The following MALRD1 variants were observed in gnomAD, a reference collection of about 807,000 sequenced individuals.
The protein encoded by MALRD1 is MAM and LDL receptor class A domain containing 1.
MALRD1 carries 247 observed loss-of-function variants against 242.1 expected under a neutral mutation model. The observed-to-expected ratio is 1.02, with a 90% CI of 0.92 to 1.13. The LOEUF (loss-of-function observed/expected upper bound fraction) is 1.13. Among genes scored for constraint, MALRD1 ranks in the 50% most tolerant of loss-of-function variants. MALRD1 has a pLI of 0.00. For synonymous variants in MALRD1, 995 were observed against 866.6 expected (o/e 1.15, Z -2.60); for missense variants, 2,989 against 2,533.1 (o/e 1.18, Z -3.86).
chr10:19,369,931 C>T (rs1426392189), intron 26 of MALRD1, among the ~76,000 whole-genome samples: 1 of 151,954 alleles, frequency 6.6e-6, no homozygotes, highest in Non-Finnish European at 1.5e-5. Context: ...AATTTATTAA[C>T]CTTTTTCTAT....
chr10:19,615,502 G>A (rs553815604), intron 35 of MALRD1, among the ~76,000 whole-genome samples: 63 of 55,142 alleles, frequency 1.1e-3, no homozygotes, highest in African/African-American at 6.4e-3. Flanking sequence ...GAATGACAGA[G>A]CAAGACCCTG....
chr10:19,418,135 C>T (rs1409114095), intron 28 of MALRD1, among the ~76,000 whole-genome samples: 1 of 151,854 alleles, frequency 6.6e-6, no homozygotes, highest in African/African-American at 2.4e-5. Context: ...GAATGTAGAT[C>T]AATTGACCTG....
At chr10:19,329,595 A>G (rs1397386810) in intron 23 of MALRD1, among the ~76,000 whole-genome samples, 1 of 152,182 alleles carries the variant, frequency 6.6e-6, no homozygotes, top group Non-Finnish European at 1.5e-5. Flanking sequence ...AAATTAGAAT[A>G]CAGAAATACC....
chr10:19,619,042 C>G (rs531167501), intron 36 of MALRD1, among the ~76,000 whole-genome samples: 38 of 151,976 alleles, frequency 2.5e-4, no homozygotes, highest in African/African-American at 8.7e-4. Context: ...TTAGATTTAA[C>G]CACTGACACG....
intron 31 of MALRD1, among the ~76,000 whole-genome samples, chr10:19,530,404 T>TATA (rs1564417318): frequency 3.1e-4 from 6 of 19,280 alleles, no homozygotes; most frequent in Non-Finnish European, 6.4e-4. Flanking sequence ...ATAAATATTA[T>TATA]ATATTTATAT....
intron 5 of MALRD1, among the ~76,000 whole-genome samples, chr10:19,110,162 G>A (rs979753105): frequency 2.0e-5 from 3 of 152,118 alleles, no homozygotes; most frequent in Non-Finnish European, 4.4e-5. Flanking sequence ...CATTGTTTTA[G>A]TCCTTTTTCA....
intron 26 of MALRD1, among the ~76,000 whole-genome samples, chr10:19,383,030 G>A (rs887395984): frequency 3.3e-5 from 5 of 152,046 alleles, no homozygotes; most frequent in Non-Finnish European, 7.4e-5. Flanking sequence ...GACATTAAAA[G>A]GATAATAAAA....
intron 36 of MALRD1, among the ~76,000 whole-genome samples, chr10:19,653,352 A>G (rs1840980282): frequency 6.6e-6 from 1 of 151,976 alleles, no homozygotes; most frequent in Non-Finnish European, 1.5e-5. Context: ...ATGCACCACC[A>G]CACTCAGCCA....
intron 29 of MALRD1, among the ~76,000 whole-genome samples, chr10:19,457,533 G>T (rs1835722048): frequency 6.6e-6 from 1 of 151,888 alleles, no homozygotes; most frequent in Non-Finnish European, 1.5e-5. Flanking sequence ...CCCGCCCTGG[G>T]TTTTATAACT....
intron 18 of MALRD1, among the ~76,000 whole-genome samples, chr10:19,252,813 G>A (rs1839354131): frequency 6.6e-6 from 1 of 152,002 alleles, no homozygotes; most frequent in Non-Finnish European, 1.5e-5. Context: ...GTCAGCCACA[G>A]AGTTAGAATC....
chr10:19,295,742 A>C (rs1426454546), intron 21 of MALRD1, among the ~76,000 whole-genome samples: 1 of 152,256 alleles, frequency 6.6e-6, no homozygotes, highest in East Asian at 1.9e-4. Context: ...TTTGTTCAAC[A>C]CTGTAGCCCT....
intron 11 of MALRD1, among the ~76,000 whole-genome samples, chr10:19,147,891 G>A (rs1833780438): frequency 6.6e-6 from 1 of 152,168 alleles, no homozygotes; most frequent in Non-Finnish European, 1.5e-5. Context: ...CTAATTGGAG[G>A]GAAGAATCCC....
At chr10:19,268,776 T>C (rs1840072530) in intron 19 of MALRD1, among the ~76,000 whole-genome samples, 1 of 152,186 alleles carries the variant, frequency 6.6e-6, no homozygotes, top group Non-Finnish European at 1.5e-5. Context: ...ATAAAACAAG[T>C]TGGAAAATCT....
At chr10:19,231,965 T>C (rs1838099037) in intron 18 of MALRD1, among the ~76,000 whole-genome samples, 1 of 152,302 alleles carries the variant, frequency 6.6e-6, no homozygotes, top group Middle Eastern at 3.4e-3. Flanking sequence ...TTGTAACTTA[T>C]CTTTTAATAA....
intron 28 of MALRD1, among the ~76,000 whole-genome samples, chr10:19,441,563 A>T (rs1284311783): frequency 2.6e-5 from 4 of 152,216 alleles, no homozygotes; most frequent in African/African-American, 9.7e-5. Flanking sequence ...ACATATGGCT[A>T]GCCAGTTTCC....
intron 19 of MALRD1, among the ~76,000 whole-genome samples, chr10:19,272,336 T>A (rs1210624870): frequency 3.9e-5 from 6 of 152,020 alleles, no homozygotes; most frequent in African/African-American, 4.8e-5. Context: ...AGAATATATT[T>A]GTCATACAGA....
intron 35 of MALRD1, 26 bp from the exon 36 acceptor site, chr10:19,615,831 G>T: frequency 6.8e-7 from 1 of 1,473,554 alleles, no homozygotes; most frequent in Non-Finnish European, 9.1e-7. Flanking sequence ...ATAATTAACT[G>T]GTGTCTTTGT....
chr10:19,255,362 GA>G (rs1250718770), intron 18 of MALRD1, among the ~76,000 whole-genome samples: 1 of 151,836 alleles, frequency 6.6e-6, no homozygotes, highest in Non-Finnish European at 1.5e-5. Context: ...CGTTCTCGGG[GA>G]AAAACACCAT....
chr10:19,373,203 C>CAAAAAAAAAAAAAAAAAAAAAAAA (rs374095193), intron 26 of MALRD1, among the ~76,000 whole-genome samples: 99 of 114,832 alleles, frequency 8.6e-4, no homozygotes, highest in African/African-American at 1.6e-3. Flanking sequence ...ACGCTAAATA[C>CAAAAAAAAAAAAAAAAAAAAAAAA]AAAAAAAAAA....
Sources: allele counts gnomAD v4.1 joint callset (sites outside exome capture counted in the v4.1 genomes callset), GRCh38; gene constraint gnomAD v4.1.1; transcripts MANE v1.5; gene names NCBI Gene and HGNC (gene_info 2026-07-23, HGNC 2026-07-21).